NRXN3: variants seen among roughly 807,000 people sequenced by gnomAD.
NRXN3 encodes neurexin 3, also known as neurexin III.
NRXN3 carries 32 observed loss-of-function variants against 137.6 expected under a neutral mutation model. The observed-to-expected ratio is 0.23, with a 90% confidence interval of 0.18 to 0.31. The LOEUF (loss-of-function observed/expected upper bound fraction) is 0.31, where lower values mean the gene tolerates loss of function less well. Ranked by LOEUF, NRXN3 falls within the 10% of genes least tolerant of loss-of-function variation. NRXN3 has a pLI of 1.00. For synonymous variants in NRXN3, 798 were observed against 784.5 expected (o/e 1.02, Z -0.29); for missense variants, 1,574 against 2,062.5 (o/e 0.76, Z 4.59).
intron 4 of NRXN3, among the ~76,000 whole-genome samples, chr14:78,371,088 G>T (rs1384119469): frequency 1.3e-5 from 2 of 152,078 alleles, no homozygotes; most frequent in Admixed American, 6.6e-5. Flanking sequence ...CCCAGCCAAG[G>T]CCCCACTCTC....
At chr14:79,389,421 G>C (rs770313504) in intron 15 of NRXN3, among the ~76,000 whole-genome samples, 2 of 152,170 alleles carry the variant, frequency 1.3e-5, no homozygotes, top group African/African-American at 2.4e-5. Context: ...CATTCATGAC[G>C]GCAGAGCCCT....
chr14:79,802,061 T>C (rs2099183659), intron 19 of NRXN3, among the ~76,000 whole-genome samples: 1 of 150,430 alleles, frequency 6.6e-6, no homozygotes, highest in Non-Finnish European at 1.5e-5. Context: ...AAAAAAAAAA[T>C]TACATTTCTT....
intron 4 of NRXN3, among the ~76,000 whole-genome samples, chr14:78,634,332 A>G (rs2097548611): frequency 6.6e-6 from 1 of 152,142 alleles, no homozygotes; most frequent in Non-Finnish European, 1.5e-5. Context: ...ACTGTGACCA[A>G]CTCAACTTCA....
At chr14:79,276,709 T>TAAAAAAA (rs757712972) in intron 15 of NRXN3, among the ~76,000 whole-genome samples, 3 of 122,030 alleles carry the variant, frequency 2.5e-5, no homozygotes, top group African/African-American at 3.0e-5. Context: ...CAATGCCAAT[T>TAAAAAAA]AAAAAAAAAA....
At chr14:78,278,158 C>A (rs1232999133) in intron 2 of NRXN3, among the ~76,000 whole-genome samples, 2 of 152,160 alleles carry the variant, frequency 1.3e-5, no homozygotes, top group Non-Finnish European at 2.9e-5. Context: ...AATTCTTATG[C>A]CTCTTTTGCT....
chr14:79,621,785 G>A (rs1329796671), intron 16 of NRXN3, among the ~76,000 whole-genome samples: 1 of 152,180 alleles, frequency 6.6e-6, no homozygotes, highest in Non-Finnish European at 1.5e-5. Flanking sequence ...GACAAAAATA[G>A]GATTTGGCTT....
intron 15 of NRXN3, among the ~76,000 whole-genome samples, chr14:79,091,254 A>T (rs1384585764): frequency 6.6e-6 from 1 of 152,150 alleles, no homozygotes; most frequent in Admixed American, 6.6e-5. Context: ...GACCATGGAA[A>T]AGGCTGAAGA....
chr14:79,462,510 C>T (rs1197184656), intron 15 of NRXN3, among the ~76,000 whole-genome samples: 1 of 150,086 alleles, frequency 6.7e-6, no homozygotes, highest in Non-Finnish European at 1.5e-5. Context: ...TATATACACA[C>T]ATATATGTAT....
intron 15 of NRXN3, among the ~76,000 whole-genome samples, chr14:79,411,620 TG>T (rs2095418347): frequency 1.3e-5 from 2 of 152,172 alleles, no homozygotes; most frequent in Admixed American, 6.5e-5. Context: ...ACTGCTACTT[TG>T]ATTTTACAGT....
chr14:79,098,045 G>A (rs1047589899), intron 15 of NRXN3, among the ~76,000 whole-genome samples: 1 of 152,178 alleles, frequency 6.6e-6, no homozygotes, highest in African/African-American at 2.4e-5. Flanking sequence ...CTGGGATGCT[G>A]CCTAAACCTA....
At chr14:79,326,730 T>C (rs1304155931) in intron 15 of NRXN3, among the ~76,000 whole-genome samples, 1 of 152,216 alleles carries the variant, frequency 6.6e-6, no homozygotes, top group Non-Finnish European at 1.5e-5. Flanking sequence ...CACATAACAT[T>C]GTCACAAGCC....
intron 6 of NRXN3, among the ~76,000 whole-genome samples, chr14:78,677,917 A>AT (rs200456057): frequency 0.057 from 8,614 of 152,048 alleles, 290 homozygotes; most frequent in Middle Eastern, 0.14. Context: ...GACTGTTAGC[A>AT]TTTTTTTTAA....
chr14:78,645,070 G>A (rs2097673661), intron 4 of NRXN3, 50 bp from the exon 5 acceptor site: 1 of 1,475,228 alleles, frequency 6.8e-7, no homozygotes, highest in East Asian at 2.5e-5. Context: ...GCATAGGTCT[G>A]ACTCTTGCCA....
At chr14:79,138,220 A>G (rs2653553) in intron 15 of NRXN3, among the ~76,000 whole-genome samples, 149,518 of 152,294 alleles carry the variant, frequency 0.98, 73,454 homozygotes, top group Middle Eastern at 1. Context: ...TAGTAGCATG[A>G]TAATAGCTCA....
chr14:79,266,091 C>T (rs998608801), intron 15 of NRXN3, among the ~76,000 whole-genome samples: 4 of 152,016 alleles, frequency 2.6e-5, no homozygotes, highest in African/African-American at 7.2e-5. Flanking sequence ...TTAAAAGGCA[C>T]CTGGGAATCT....
chr14:79,105,839 A>T (rs143758498), intron 15 of NRXN3, among the ~76,000 whole-genome samples: 1 of 152,276 alleles, frequency 6.6e-6, no homozygotes, highest in Non-Finnish European at 1.5e-5. Context: ...GATTTAAAAT[A>T]GGTTCTCAAC....
intron 15 of NRXN3, among the ~76,000 whole-genome samples, chr14:79,210,290 G>A (rs1231006176): frequency 6.6e-6 from 1 of 152,150 alleles, no homozygotes; most frequent in Non-Finnish European, 1.5e-5. Flanking sequence ...CACTTTAACT[G>A]GGAGAATATG....
chr14:79,261,462 T>G (rs186010898), intron 15 of NRXN3, among the ~76,000 whole-genome samples: 1 of 152,100 alleles, frequency 6.6e-6, no homozygotes, highest in African/African-American at 2.4e-5. Context: ...GACTTGAAGA[T>G]GAGGGGACGT....
At chr14:79,832,415 G>A (rs935218278) in intron 20 of NRXN3, among the ~76,000 whole-genome samples, 1 of 152,194 alleles carries the variant, frequency 6.6e-6, no homozygotes, top group African/African-American at 2.4e-5. Context: ...TAATAACTCA[G>A]TGTCTTTATG....
Sources: allele counts gnomAD v4.1 joint callset (sites outside exome capture counted in the v4.1 genomes callset), GRCh38; gene constraint gnomAD v4.1.1; transcripts MANE v1.5; gene names NCBI Gene and HGNC (gene_info 2026-07-23, HGNC 2026-07-21).